Variants in SPMIP2 observed in about 807,000 individuals in gnomAD.
SPMIP2 encodes protein SPMIP2.
At chr4:158,956,220 C>T in the SPMIP2 span, among the ~76,000 whole-genome samples, 2 of 152,234 alleles carry the variant, frequency 1.3e-5, no homozygotes, top group African/African-American at 4.8e-5. Context: ...TTGTCACTAG[C>T]GGCTCTCAGC....
the SPMIP2 span, among the ~76,000 whole-genome samples, chr4:158,997,925 G>A: frequency 6.6e-6 from 1 of 152,104 alleles, no homozygotes; most frequent in Admixed American, 6.6e-5. Flanking sequence ...CCAAAGTGCT[G>A]GGATTACTGA....
chr4:158,943,925 G>A, the SPMIP2 span, among the ~76,000 whole-genome samples: 41 of 127,374 alleles, frequency 3.2e-4, no homozygotes, highest in African/African-American at 8.0e-4. Flanking sequence ...GTGTGATCTC[G>A]GCTCACCGCA....
the SPMIP2 span, among the ~76,000 whole-genome samples, chr4:158,944,620 A>G: frequency 6.6e-6 from 1 of 152,198 alleles, no homozygotes; most frequent in African/African-American, 2.4e-5. Context: ...GTGATCCCAC[A>G]GAAACCTGGA....
the SPMIP2 span, among the ~76,000 whole-genome samples, chr4:158,929,979 A>C: frequency 1.3e-5 from 2 of 152,174 alleles, no homozygotes; most frequent in African/African-American, 4.8e-5. Context: ...CTAGTGAAAA[A>C]AATTCTCAAT....
chr4:158,950,557 T>C, the SPMIP2 span, among the ~76,000 whole-genome samples: 1 of 152,042 alleles, frequency 6.6e-6, no homozygotes, highest in African/African-American at 2.4e-5. Flanking sequence ...GCTGCACAAT[T>C]TTGGGGGGAA....
chr4:159,000,220 C>T, the SPMIP2 span, among the ~76,000 whole-genome samples: 1 of 152,094 alleles, frequency 6.6e-6, no homozygotes, highest in East Asian at 1.9e-4. Flanking sequence ...ATGTCCCAAA[C>T]ATTTGCATGG....
the SPMIP2 span, among the ~76,000 whole-genome samples, chr4:158,935,099 T>C: frequency 6.6e-6 from 1 of 152,360 alleles, no homozygotes; most frequent in Non-Finnish European, 1.5e-5. Context: ...TTCCCTATAC[T>C]GCAATTCCAT....
chr4:159,012,018 T>C, the SPMIP2 span, among the ~76,000 whole-genome samples: 2 of 149,050 alleles, frequency 1.3e-5, no homozygotes, highest in South Asian at 4.3e-4. Context: ...ATCACACGAT[T>C]ATACTCCAGC....
At chr4:158,973,762 G>A in the SPMIP2 span, among the ~76,000 whole-genome samples, 1 of 152,080 alleles carries the variant, frequency 6.6e-6, no homozygotes, top group South Asian at 2.1e-4. Context: ...GCCAAGGTGG[G>A]TGCATCGCTT....
At chr4:159,082,797 T>A in the SPMIP2 span, among the ~76,000 whole-genome samples, 1 of 152,172 alleles carries the variant, frequency 6.6e-6, no homozygotes, top group African/African-American at 2.4e-5. Context: ...AATTAAACTA[T>A]TTGGGCCAGG....
the SPMIP2 span, among the ~76,000 whole-genome samples, chr4:158,931,087 G>T: frequency 6.6e-6 from 1 of 152,026 alleles, no homozygotes. Flanking sequence ...CAGTCTCAGA[G>T]GCTCTGTTCA....
chr4:158,895,753 A>C, the SPMIP2 span: 6 of 1,601,560 alleles, frequency 3.7e-6, no homozygotes, highest in Non-Finnish European at 5.1e-6. Flanking sequence ...TTTGCAGTGC[A>C]TCATGCATCT....
At chr4:158,937,325 A>G in the SPMIP2 span, among the ~76,000 whole-genome samples, 1 of 152,242 alleles carries the variant, frequency 6.6e-6, no homozygotes, top group Non-Finnish European at 1.5e-5. Context: ...TAATAGAGAA[A>G]AATTTAAACG....
the SPMIP2 span, among the ~76,000 whole-genome samples, chr4:159,049,304 G>A: frequency 6.6e-6 from 1 of 152,146 alleles, no homozygotes; most frequent in East Asian, 1.9e-4. Context: ...GAATTGTTAA[G>A]AATTGTTTTA....
chr4:158,943,921 T>C, the SPMIP2 span, among the ~76,000 whole-genome samples: 1 of 135,374 alleles, frequency 7.4e-6, no homozygotes, highest in Non-Finnish European at 1.5e-5. Flanking sequence ...AGTGGTGTGA[T>C]CTCGGCTCAC....
chr4:159,042,602 CT>C, the SPMIP2 span, among the ~76,000 whole-genome samples: 1 of 152,230 alleles, frequency 6.6e-6, no homozygotes, highest in Non-Finnish European at 1.5e-5. Flanking sequence ...GGTGACAACT[CT>C]TTTAATTATT....
chr4:158,960,409 C>T, the SPMIP2 span: 4 of 909,752 alleles, frequency 4.4e-6, no homozygotes, highest in Non-Finnish European at 6.8e-6. Context: ...TCTAAGTATC[C>T]ATATTTCTAG....
chr4:158,969,592 G>T, the SPMIP2 span, among the ~76,000 whole-genome samples: 1 of 152,112 alleles, frequency 6.6e-6, no homozygotes, highest in East Asian at 1.9e-4. Flanking sequence ...AGATTTTCAG[G>T]TGTCACTCAG....
chr4:158,965,059 T>C, the SPMIP2 span, among the ~76,000 whole-genome samples: 7 of 152,156 alleles, frequency 4.6e-5, no homozygotes, highest in African/African-American at 1.7e-4. Flanking sequence ...TGAGAAGCAA[T>C]ATGAATGCTA....
Sources: allele counts gnomAD v4.1 joint callset (sites outside exome capture counted in the v4.1 genomes callset), GRCh38; gene constraint gnomAD v4.1.1; transcripts MANE v1.5; gene names NCBI Gene and HGNC (gene_info 2026-07-23, HGNC 2026-07-21).